Variants in GALNT13 observed in about 807,000 individuals in gnomAD.
GALNT13 encodes the protein polypeptide N-acetylgalactosaminyltransferase 13.
GALNT13 carries 28 observed loss-of-function variants against 64.2 expected under a neutral mutation model. That is an observed-to-expected ratio of 0.44 (90% CI 0.32 to 0.60). The LOEUF is 0.60. GALNT13 is among the 20% of genes least tolerant of loss of function. The pLI is 0.05. For synonymous variants in GALNT13, 214 were observed against 224.6 expected (o/e 0.95, Z 0.42); for missense variants, 577 against 669.8 (o/e 0.86, Z 1.53).
chr2:153,229,446 C>T, the GALNT13 span, among the ~76,000 whole-genome samples: 1 of 152,150 alleles, frequency 6.6e-6, no homozygotes. Context: ...GTTTAATCAG[C>T]AGCCTTTTGT....
chr2:153,746,291 G>T, the GALNT13 span, among the ~76,000 whole-genome samples: 1 of 152,154 alleles, frequency 6.6e-6, no homozygotes, highest in African/African-American at 2.4e-5. Context: ...CCTCCCAAAA[G>T]TTACCACTAT....
At chr2:153,540,322 T>G in the GALNT13 span, among the ~76,000 whole-genome samples, 1 of 152,198 alleles carries the variant, frequency 6.6e-6, no homozygotes, top group Non-Finnish European at 1.5e-5. Context: ...CAAGAGTTGA[T>G]GTTTGGAAAC....
chr2:153,976,859 T>C (rs926660521), intron 3 of GALNT13, among the ~76,000 whole-genome samples: 5 of 152,094 alleles, frequency 3.3e-5, no homozygotes, highest in African/African-American at 1.2e-4. Context: ...CATGAAAAAT[T>C]ATTGATATGG....
At chr2:153,467,960 A>T in the GALNT13 span, among the ~76,000 whole-genome samples, 410 of 152,146 alleles carry the variant, frequency 2.7e-3, 17 homozygotes, top group East Asian at 0.073. Context: ...GATAGAAGAA[A>T]GTCAGAAGAG....
chr2:154,209,891 T>G (rs1687671517), intron 4 of GALNT13, among the ~76,000 whole-genome samples: 1 of 152,158 alleles, frequency 6.6e-6, no homozygotes, highest in South Asian at 2.1e-4. Context: ...CTCCTAGAAA[T>G]TCTAAAATAT....
At chr2:153,641,400 A>T in the GALNT13 span, among the ~76,000 whole-genome samples, 26 of 152,326 alleles carry the variant, frequency 1.7e-4, 1 homozygote, top group East Asian at 4.8e-3. Flanking sequence ...TGATATTTTT[A>T]TTGGTTTATA....
the GALNT13 span, among the ~76,000 whole-genome samples, chr2:153,336,150 C>T: frequency 6.6e-6 from 1 of 152,226 alleles, no homozygotes; most frequent in Non-Finnish European, 1.5e-5. Flanking sequence ...CGGGATGCTC[C>T]TGGGGAACCT....
chr2:153,476,618 T>C, the GALNT13 span, among the ~76,000 whole-genome samples: 1 of 152,102 alleles, frequency 6.6e-6, no homozygotes, highest in African/African-American at 2.4e-5. Context: ...CCAGTTGGGG[T>C]TGTAATACTC....
chr2:153,248,571 T>A, the GALNT13 span, among the ~76,000 whole-genome samples: 1 of 151,846 alleles, frequency 6.6e-6, no homozygotes, highest in South Asian at 2.1e-4. Context: ...CCCAGCACTT[T>A]GGGAGGCTGA....
chr2:153,698,864 G>T, the GALNT13 span, among the ~76,000 whole-genome samples: 3 of 152,136 alleles, frequency 2.0e-5, no homozygotes, highest in Non-Finnish European at 4.4e-5. Flanking sequence ...AAATGCAAAA[G>T]AACTGAAATC....
At chr2:154,124,674 T>C (rs1225225022) in intron 3 of GALNT13, among the ~76,000 whole-genome samples, 1 of 151,946 alleles carries the variant, frequency 6.6e-6, no homozygotes, top group East Asian at 1.9e-4. Context: ...TTAATAGATA[T>C]GGATTCTATG....
the GALNT13 span, among the ~76,000 whole-genome samples, chr2:153,723,833 C>T: frequency 1.1e-4 from 17 of 150,924 alleles, no homozygotes; most frequent in Middle Eastern, 3.4e-3. Context: ...GAACATTCCA[C>T]GCTCATGGGT....
At chr2:153,374,189 G>A in the GALNT13 span, among the ~76,000 whole-genome samples, 1 of 152,120 alleles carries the variant, frequency 6.6e-6, no homozygotes, top group South Asian at 2.1e-4. Flanking sequence ...GCTTGCAGCT[G>A]TATCATTTTA....
At chr2:153,603,403 AAT>A in the GALNT13 span, among the ~76,000 whole-genome samples, 3 of 151,936 alleles carry the variant, frequency 2.0e-5, no homozygotes, top group Non-Finnish European at 4.4e-5. Context: ...TACTAATTCT[AAT>A]TGAATTAGAT....
chr2:153,514,462 A>G, the GALNT13 span, among the ~76,000 whole-genome samples: 1 of 152,138 alleles, frequency 6.6e-6, no homozygotes, highest in Non-Finnish European at 1.5e-5. Context: ...CAAACCTGTC[A>G]GTCACTTTTT....
At chr2:153,724,147 G>C in the GALNT13 span, among the ~76,000 whole-genome samples, 62 of 140,804 alleles carry the variant, frequency 4.4e-4, no homozygotes, top group East Asian at 0.011. Flanking sequence ...CAGAAATAAC[G>C]CCACATACCT....
At chr2:154,204,388 A>T (rs1021168988) in intron 4 of GALNT13, among the ~76,000 whole-genome samples, 6 of 152,212 alleles carry the variant, frequency 3.9e-5, no homozygotes, top group Admixed American at 6.5e-5. Context: ...TACTGTAGGT[A>T]TGCAATAAAT....
intron 3 of GALNT13, among the ~76,000 whole-genome samples, chr2:153,953,103 G>T (rs1274275073): frequency 6.6e-6 from 1 of 151,940 alleles, no homozygotes; most frequent in Non-Finnish European, 1.5e-5. Context: ...ATACACCCAG[G>T]ATCAATACCT....
chr2:154,280,356 G>A (rs1005764523), intron 8 of GALNT13, among the ~76,000 whole-genome samples: 1 of 152,040 alleles, frequency 6.6e-6, no homozygotes, highest in South Asian at 2.1e-4. Flanking sequence ...CATTGTGCTT[G>A]ACAACACACA....
Sources: gnomAD v4.1 joint callset for allele counts (sites outside exome capture counted in the v4.1 genomes callset) on GRCh38, gnomAD v4.1.1 for gene constraint, MANE v1.5 for transcripts, NCBI Gene and HGNC (gene_info 2026-07-23, HGNC 2026-07-21) for gene names.